CDH12: variants seen among roughly 807,000 people sequenced by gnomAD.
CDH12 encodes cadherin-12.
A neutral mutation model predicts 74.1 loss-of-function variants in CDH12; 41 were observed. That is an observed-to-expected ratio of 0.55 (90% CI 0.43 to 0.72). The LOEUF is 0.72. CDH12 is among the 30% of genes least tolerant of loss of function. The pLI, the probability that CDH12 is intolerant of heterozygous loss-of-function variation, is 0.00. For synonymous variants in CDH12, 399 were observed against 355.0 expected (o/e 1.12, Z -1.39); for missense variants, 945 against 977.2 (o/e 0.97, Z 0.44).
At chr5:22,043,683 T>C (rs936442301) in intron 5 of CDH12, among the ~76,000 whole-genome samples, 7 of 150,170 alleles carry the variant, frequency 4.7e-5, no homozygotes, top group Admixed American at 2.0e-4. Flanking sequence ...ATCTTATGTA[T>C]AGAAAATCCC....
chr5:22,509,435 C>T (rs183499681), intron 1 of CDH12, among the ~76,000 whole-genome samples: 17 of 152,172 alleles, frequency 1.1e-4, no homozygotes, highest in Admixed American at 1.1e-3. Flanking sequence ...TACAGTACAC[C>T]TTTCAGTGAC....
At chr5:21,812,838 T>C (rs953211485) in intron 9 of CDH12, among the ~76,000 whole-genome samples, 1 of 152,156 alleles carries the variant, frequency 6.6e-6, no homozygotes, top group South Asian at 2.1e-4. Flanking sequence ...TTCTTTCTAA[T>C]AGAACACTAG....
intron 3 of CDH12, among the ~76,000 whole-genome samples, chr5:22,325,622 C>T (rs1375702628): frequency 6.6e-6 from 1 of 152,128 alleles, no homozygotes; most frequent in Non-Finnish European, 1.5e-5. Context: ...CGCGGTGGCT[C>T]ACACCTGTAA....
At chr5:22,205,113 A>G (rs1354988037) in intron 4 of CDH12, among the ~76,000 whole-genome samples, 2 of 152,252 alleles carry the variant, frequency 1.3e-5, no homozygotes, top group African/African-American at 4.8e-5. Flanking sequence ...AATCTTACAC[A>G]TTAAGATTTT....
At chr5:21,837,592 T>C (rs1007878208) in intron 8 of CDH12, among the ~76,000 whole-genome samples, 15 of 152,112 alleles carry the variant, frequency 9.9e-5, no homozygotes, top group Non-Finnish European at 8.8e-5. Flanking sequence ...AAGGATACTA[T>C]TTCAGTTTGT....
chr5:21,911,144 T>C (rs1454455878), intron 6 of CDH12, among the ~76,000 whole-genome samples: 1 of 152,192 alleles, frequency 6.6e-6, no homozygotes, highest in Non-Finnish European at 1.5e-5. Context: ...ACAGAGATAG[T>C]GGCTGTTTCT....
At chr5:22,229,372 G>GAAAA (rs1480007870) in intron 3 of CDH12, among the ~76,000 whole-genome samples, 1 of 124,078 alleles carries the variant, frequency 8.1e-6, no homozygotes, top group East Asian at 2.4e-4. Flanking sequence ...AAAAAAAAAT[G>GAAAA]ACTAGACATT....
At chr5:22,641,640 T>G (rs1739157410) in intron 1 of CDH12, among the ~76,000 whole-genome samples, 1 of 152,188 alleles carries the variant, frequency 6.6e-6, no homozygotes, top group African/African-American at 2.4e-5. Flanking sequence ...TGCTGGATTT[T>G]TTCTTGCCTT....
At chr5:22,704,451 G>C (rs1375824645) in intron 1 of CDH12, among the ~76,000 whole-genome samples, 1 of 151,984 alleles carries the variant, frequency 6.6e-6, no homozygotes, top group African/African-American at 2.4e-5. Flanking sequence ...ACTCCTGAGG[G>C]AAATTTCATA....
intron 2 of CDH12, among the ~76,000 whole-genome samples, chr5:22,407,952 G>A (rs893356689): frequency 1.2e-4 from 18 of 152,042 alleles, no homozygotes; most frequent in African/African-American, 3.6e-4. Context: ...ATAGCCTATC[G>A]CCTTCTCTAT....
rs372031397 is a variant in CDH12 at position 21,957,056 on chromosome 5, T to C, written c.526+18035A>G. Among the ~76,000 whole-genome samples, 3 of 152,228 alleles carry C rather than the reference T, an allele frequency of 2.0e-5. No individual in the cohort carries two copies. The East Asian group carries it at 5.8e-4, about 29-fold the overall frequency. ...AACAATTATTTTTCCTGCTCCTCTG[T>C]CTCCTGTCACCCTCCACTCTCAAGT... On this transcript the variant is annotated intron_variant, in intron 6 of 14. Coordinates refer to ENST00000382254, the MANE Select transcript of CDH12 (RefSeq NM_004061.5).
intron 1 of CDH12, among the ~76,000 whole-genome samples, chr5:22,671,362 A>T (rs1297590965): frequency 6.6e-6 from 1 of 152,122 alleles, no homozygotes; most frequent in African/African-American, 2.4e-5. Flanking sequence ...TCCAGAACTA[A>T]TTTGTTCTAA....
chr5:22,850,987 G>T (rs1331782219), intron 1 of CDH12, among the ~76,000 whole-genome samples: 1 of 152,044 alleles, frequency 6.6e-6, no homozygotes, highest in Non-Finnish European at 1.5e-5. Context: ...ACATGAAATA[G>T]GCTCTGCCAA....
intron 5 of CDH12, among the ~76,000 whole-genome samples, chr5:22,016,398 T>G (rs920503678): frequency 3.3e-5 from 5 of 152,070 alleles, no homozygotes; most frequent in African/African-American, 1.2e-4. Flanking sequence ...TAAGATTTTT[T>G]TTGTTTGTTT....
chr5:22,194,494 C>G (rs6452067), intron 4 of CDH12, among the ~76,000 whole-genome samples: 148,340 of 151,726 alleles, frequency 0.98, 72,632 homozygotes, highest in East Asian at 1. Flanking sequence ...CCCATGCCCG[C>G]CTAATTTTTG....
At chr5:22,416,407 A>C (rs1743394773) in intron 2 of CDH12, among the ~76,000 whole-genome samples, 1 of 152,264 alleles carries the variant, frequency 6.6e-6, no homozygotes, top group South Asian at 2.1e-4. Flanking sequence ...TTTCTGGAAT[A>C]TGATAAAAAG....
intron 1 of CDH12, among the ~76,000 whole-genome samples, chr5:22,742,988 A>G (rs1179714198): frequency 6.6e-6 from 1 of 151,452 alleles, no homozygotes; most frequent in Non-Finnish European, 1.5e-5. Context: ...TCATTCAATC[A>G]GTTGAAAGCC....
At chr5:22,760,867 C>A (rs568331571) in intron 1 of CDH12, among the ~76,000 whole-genome samples, 2 of 151,978 alleles carry the variant, frequency 1.3e-5, no homozygotes, top group Non-Finnish European at 2.9e-5. Context: ...TGATCCTATA[C>A]GTCTGCAACA....
chr5:22,422,387 C>T (rs1743689126), intron 2 of CDH12, among the ~76,000 whole-genome samples: 1 of 151,898 alleles, frequency 6.6e-6, no homozygotes, highest in South Asian at 2.1e-4. Context: ...TTATGAATCG[C>T]ATTTATTAAT....
Sources: gnomAD v4.1 joint callset for allele counts (sites outside exome capture counted in the v4.1 genomes callset) on GRCh38, gnomAD v4.1.1 for gene constraint, MANE v1.5 for transcripts, NCBI Gene and HGNC (gene_info 2026-07-23, HGNC 2026-07-21) for gene names.